The following CEP44 variants were observed in gnomAD, a reference collection of about 807,000 sequenced individuals.
CEP44 encodes the protein centrosomal protein 44, also known as centrosomal protein of 44 kDa.
In CEP44, 45 loss-of-function variants were observed where a neutral mutation model predicts 46.7. The observed-to-expected ratio is 0.96, with a 90% CI of 0.76 to 1.24. CEP44 has a LOEUF of 1.24. CEP44 is among the 50% of genes most tolerant of loss of function. CEP44 has a pLI of 0.00. For synonymous variants in CEP44, 142 were observed against 146.0 expected, an observed-to-expected ratio of 0.97 and a Z score of 0.20; for missense variants, 475 against 459.7, an observed-to-expected ratio of 1.03 and a Z score of -0.30.
At position 174,287,310 on chromosome 4, in the gene CEP44, A is replaced by G. The variant is rs914709380; in HGVS notation, c.-148+3367A>G. The stretch of plus-strand genomic sequence containing the variant: ...TTCTTTATTATGATAAGTACCAAGA[A>G]GGAAAAGAACTGGGTCTATTAGAGA... On this transcript the variant is annotated intron_variant, in intron 1 of 11. Coordinates refer to ENST00000503780, the MANE Select transcript of CEP44 (RefSeq NM_001040157.3). The surrounding 1 kb of genome is among the most constrained non-coding windows in gnomAD (Gnocchi z 5.1). Among the ~76,000 whole-genome samples the G allele has an allele frequency of 4.6e-5, 7 of 152,208 alleles. No individual in the cohort carries two copies. The highest frequency in any genetic ancestry group is 1.7e-4 in the African/African-American group (7 of 41,454).
intron 2 of CEP44, 108 bp downstream of exon 2, chr4:174,298,170 A>ATTTTTTTTTTTT (rs35951093): frequency 2.5e-5 from 2 of 81,256 alleles, no homozygotes; most frequent in Non-Finnish European, 4.5e-5. Context: ...GGTATATATG[A>ATTTTTTTTTTTT]TTTTTTTTTT....
downstream of CEP44, among the ~76,000 whole-genome samples, chr4:174,322,952 T>C (rs1195252668): frequency 4.6e-5 from 7 of 152,126 alleles, no homozygotes; most frequent in Non-Finnish European, 8.8e-5. Flanking sequence ...AATGTGAGAT[T>C]TTCCTAATAA....
intron 1 of CEP44, among the ~76,000 whole-genome samples, chr4:174,285,770 T>C (rs1467999030): frequency 6.6e-6 from 1 of 152,192 alleles, no homozygotes; most frequent in Non-Finnish European, 1.5e-5. Flanking sequence ...ACCTACTATA[T>C]TGGCCAGTGG....
In CEP44 at chr4:174,315,171, G is replaced by A. The variant is rs574119889; in HGVS notation, c.962-995G>A. On this transcript the variant is annotated intron_variant, in intron 9 of 11. Transcript: ENST00000503780. Reference sequence around the variant, plus strand: ...GGTAATAGTTTGTTCCCCAATTAAGGTTGTCTGTGTAGGCTTACAATAAAG... The same window carrying A: ...GGTAATAGTTTGTTCCCCAATTAAGATTGTCTGTGTAGGCTTACAATAAAG... Among the ~76,000 whole-genome samples the A allele has an allele frequency of 6.6e-5, 10 of 151,976 alleles. No individual in the cohort carries two copies. In the South Asian group the frequency reaches 2.1e-3, roughly 32 times the overall value.
intron 4 of CEP44, among the ~76,000 whole-genome samples, chr4:174,302,528 T>C (rs1375880013): frequency 6.6e-6 from 1 of 152,120 alleles, no homozygotes; most frequent in Non-Finnish European, 1.5e-5. Flanking sequence ...GAATTATATG[T>C]TAATTTAGTT....
chr4:174,313,350 C>T (rs998650253), intron 9 of CEP44, among the ~76,000 whole-genome samples: 5 of 148,774 alleles, frequency 3.4e-5, no homozygotes, highest in African/African-American at 1.0e-4. Context: ...TTGTTTGTTT[C>T]GCTTTGTTTT....
At position 174,303,912 on chromosome 4, in the gene CEP44, T is replaced by G. The variant is rs903507136; in HGVS notation, c.384+63T>G. 2.6e-6 allele frequency: 3 copies of G among 1,154,000 alleles called. No individual in the cohort carries two copies. In the East Asian group the frequency reaches 7.4e-5, roughly 29 times the overall value. The allele number at this position is 1,154,000 out of a possible 1,614,324, so 71.5% of individuals were successfully genotyped here. A position where few individuals can be genotyped will look rare whatever the true frequency, so the allele number is the denominator to read the frequency against. On this transcript the variant is annotated intron_variant, in intron 5 of 11. Transcript: ENST00000503780. ...ATTAATAGATGGCTCAGTATTTTAA[T>G]GTATAAAATCAAAACCCTAGACAGC... is the stretch of plus-strand genomic sequence containing the variant.
intron 1 of CEP44, among the ~76,000 whole-genome samples, chr4:174,291,303 C>T (rs1289546626): frequency 2.0e-5 from 3 of 151,372 alleles, no homozygotes; most frequent in African/African-American, 7.3e-5. Flanking sequence ...ATTTACTATA[C>T]TTTTTATTTT....
chr4:174,297,396 C>T lies in CEP44; in HGVS notation c.-147-570C>T, dbSNP rs891952616. Among the ~76,000 whole-genome samples, 1 of 151,978 alleles carries T rather than the reference C, an allele frequency of 6.6e-6. No individual in the cohort carries two copies. The highest frequency in any genetic ancestry group is 6.5e-5 in the Admixed American group (1 of 15,270). On this transcript the variant is annotated intron_variant, in intron 1 of 11. Transcript: ENST00000503780. The surrounding 1 kb of genome is among the most constrained non-coding windows in gnomAD (Gnocchi z 4.3). The stretch of plus-strand genomic sequence containing the variant: ...CCTCTAATAGTTATTGACCTTTGGG[C>T]ATATATTCAGTTTTAAACATGAGTC...
At chr4:174,317,242 A>G (rs1741839050) in intron 11 of CEP44, 93 bp from the exon 12 acceptor site, 1 of 495,020 alleles carries the variant, frequency 2.0e-6, no homozygotes, top group Non-Finnish European at 3.3e-6. Flanking sequence ...ATTCAAATTT[A>G]TTTTAGGCTA....
rs199625537 is a variant in CEP44, at chr4:174,308,849, C to G, written c.668C>G (p.Ala223Gly). 17 of 1,612,778 alleles carry G rather than the reference C, an allele frequency of 1.1e-5. No homozygotes were observed. The African/African-American group carries it at 1.7e-4, about 16-fold the overall frequency. ...MPEVKVPEIK[A>G]EQQDVNVNPE... is the part of the protein sequence containing the mutation. ...GAAGTAAAGGTTCCTGAAATCAAGGCTGAGCAACAGGTAACAACTTTGGAC... is the reference window on the plus strand; with the variant it reads ...GAAGTAAAGGTTCCTGAAATCAAGGGTGAGCAACAGGTAACAACTTTGGAC... The change falls in exon 7 of 12, where the codon GCT becomes GGT. Residue 223 changes from alanine (A) to glycine (G), a missense_variant. By Grantham distance (60) the Ala-to-Gly change is moderately conservative. Transcript: ENST00000503780.
chr4:174,308,010 G>A (rs1370166530), intron 6 of CEP44, among the ~76,000 whole-genome samples: 5 of 152,164 alleles, frequency 3.3e-5, no homozygotes, highest in African/African-American at 1.2e-4. Flanking sequence ...CTGTTGGTGG[G>A]AGTGTAAGTT....
In CEP44 at chr4:174,331,493, A is replaced by T; in HGVS notation, c.1098A>T (p.Ala366=). 6.4e-7 allele frequency: 1 copy of T among 1,551,468 alleles called. No homozygotes were observed. Among genetic ancestry groups the T allele is most frequent in the Non-Finnish European group, 8.7e-7 (1 of 1,146,868 alleles). Reference sequence around the variant, plus strand: ...TGTTTCCTTTCTAGAATTTTCCTGCATGGAGTGCTACATCCTCTTGTTCCA... The same window carrying T: ...TGTTTCCTTTCTAGAATTTTCCTGCTTGGAGTGCTACATCCTCTTGTTCCA... The change falls in exon 9 of 9, where the codon GCA becomes GCT. Residue 366 remains alanine, a synonymous_variant. Coordinates refer to the CEP44 transcript ENST00000426172. The surrounding 1 kb of genome is among the most constrained non-coding windows in gnomAD (Gnocchi z 4.5).
At chr4:174,293,938 C>T (rs1489123680) in intron 1 of CEP44, among the ~76,000 whole-genome samples, 1 of 151,478 alleles carries the variant, frequency 6.6e-6, no homozygotes. Flanking sequence ...TTTTTGTAGG[C>T]TTTATGGCCA....
chr4:174,328,717 AT>A (rs945681736), intron 8 of CEP44, among the ~76,000 whole-genome samples: 1 of 152,126 alleles, frequency 6.6e-6, no homozygotes, highest in African/African-American at 2.4e-5. Context: ...AACAAATATG[AT>A]TTTTTAACCA....
chr4:174,294,749 CG>C (rs1214810255), intron 1 of CEP44, among the ~76,000 whole-genome samples: 3 of 131,950 alleles, frequency 2.3e-5, no homozygotes, highest in Non-Finnish European at 3.4e-5. Flanking sequence ...CCCTGCTGGG[CG>C]GGGGGCTGAC....
chr4:174,293,130 C>T lies in CEP44; in HGVS notation c.-147-4836C>T, dbSNP rs1006729877. The stretch of plus-strand genomic sequence containing the variant: ...GCTTACATGTTCAAAATCAGGTCTG[C>T]GGTTGTGGGCCTGTTACTGGGGCTT... On this transcript the variant is annotated intron_variant, in intron 1 of 11. Transcript: ENST00000503780. Among the ~76,000 whole-genome samples, 81 of 152,288 alleles carry T rather than the reference C, an allele frequency of 5.3e-4. 1 individual carries two copies. The highest frequency in any genetic ancestry group is 1.5e-3 in the African/African-American group (63 of 41,540).
chr4:174,302,461 TA>T (rs1480422778), intron 4 of CEP44, among the ~76,000 whole-genome samples: 1 of 152,168 alleles, frequency 6.6e-6, no homozygotes, highest in Admixed American at 6.5e-5. Flanking sequence ...AAATTTGATA[TA>T]CTGGCAGAAA....
In CEP44 at chr4:174,318,450, G is replaced by A. The variant is rs1301712178; in HGVS notation, c.*1067G>A. ...TGAAAAGTTACACATTTTTTGGAGA[G>A]AAAAGTCTTAGCTGAAGGTAAATCA... On this transcript the variant is annotated 3_prime_UTR_variant, in exon 12 of 12. Coordinates refer to ENST00000503780, the MANE Select transcript of CEP44 (RefSeq NM_001040157.3). 1 of 979,316 alleles carries A rather than the reference G, an allele frequency of 1.0e-6. No individual in the cohort carries two copies. The highest frequency in any genetic ancestry group is 1.2e-6 in the Non-Finnish European group (1 of 824,638). 60.7% of individuals were successfully genotyped at this position (979,316 alleles called of 1,614,324 possible).
Sources: gnomAD v4.1 joint callset for allele counts (sites outside exome capture counted in the v4.1 genomes callset) on GRCh38, gnomAD v4.1.1 for gene constraint, Gnocchi (gnomAD v3.1) non-coding constraint, MANE v1.5 for transcripts, NCBI Gene and HGNC (gene_info 2026-07-23, HGNC 2026-07-21) for gene names.